The following CENPF variants were observed in gnomAD, a reference collection of about 807,000 sequenced individuals.
The protein encoded by CENPF is AH antigen.
A neutral mutation model predicts 307.3 loss-of-function variants in CENPF; 214 were observed. The observed-to-expected ratio is 0.70, with a 90% CI of 0.62 to 0.78. The LOEUF is 0.78. Ranked by LOEUF, CENPF falls within the 30% of genes least tolerant of loss-of-function variation. The pLI is 0.00. For missense variants in CENPF, 3,401 were observed against 3,483.9 expected, an observed-to-expected ratio of 0.98 and a Z score of 0.60; for synonymous variants, 1,259 against 1,270.6, an observed-to-expected ratio of 0.99 and a Z score of 0.19.
Position 214,644,423 on chromosome 1 carries a change from G to T in CENPF, c.4987-134G>T, listed in dbSNP as rs570870389. 1.6e-5 allele frequency: 13 copies of T among 794,722 alleles called. No homozygotes were observed. In the African/African-American group the frequency reaches 2.1e-4, roughly 13 times the overall value. The allele number at this position is 794,722 out of a possible 1,614,324, so 49.2% of individuals were successfully genotyped here. On this transcript the variant is annotated intron_variant, in intron 12 of 19. Transcript: ENST00000366955. ...TTGAATGAAGAGAGAAAGATGTAGT[G>T]GGAAATTCACCACTTTAAGAGATGT...
At position 214,657,381 on chromosome 1, in the gene CENPF, A is replaced by G. The variant is rs1178913991; in HGVS notation, c.8934A>G (p.Pro2978=). Residue 2978 remains proline, a synonymous_variant, in exon 18 of 20, where the codon CCA becomes CCG. Transcript: ENST00000366955. ...AEDTEGTEFE[P]EGLPEVVKKG... Reference sequence around the variant, plus strand: ...ACACGGAAGGTACTGAGTTTGAGCCAGAGGGACTTCCAGAAGTTGTAAAGA... The same window carrying G: ...ACACGGAAGGTACTGAGTTTGAGCCGGAGGGACTTCCAGAAGTTGTAAAGA... The G allele has an allele frequency of 6.2e-7, 1 of 1,609,500 alleles. No homozygotes were observed. The highest frequency in any genetic ancestry group is 8.5e-7 in the Non-Finnish European group (1 of 1,179,048).
intron 10 of CENPF, among the ~76,000 whole-genome samples, chr1:214,633,161 A>G (rs1657855035): frequency 6.6e-6 from 1 of 152,240 alleles, no homozygotes; most frequent in African/African-American, 2.4e-5. Flanking sequence ...AAAAGTGGAC[A>G]CTGACCTTAA....
chr1:214,630,594 G>C lies in CENPF; in HGVS notation c.1255G>C (p.Ala419Pro). The change falls in exon 9 of 20, where the codon GCC (alanine) becomes CCC (proline). Residue 419 changes from alanine to proline, a missense_variant. Physicochemically the swap from Ala to Pro is conservative, Grantham distance 27. Transcript: ENST00000366955. ...GGACCAGGAGTGCATCCAGATGAAG[G>C]CCAGACTCACCCAGGAGTTACAGCA... is the stretch of plus-strand genomic sequence containing the variant. ...TLDQECIQMK[A>P]RLTQELQQAK... 9 of 1,614,134 alleles carry C rather than the reference G, an allele frequency of 5.6e-6. No homozygotes were observed. The South Asian group carries it at 7.7e-5, about 14-fold the overall frequency.
intron 1 of CENPF, chr1:214,608,770 G>A: frequency 6.2e-7 from 1 of 1,600,774 alleles, no homozygotes; most frequent in Non-Finnish European, 8.5e-7. Flanking sequence ...GGCGAGCTTG[G>A]CAGCGATGCG....
chr1:214,655,174 AATT>A (rs1233035197), intron 16 of CENPF, 64 bp from the exon 17 acceptor site: 2 of 977,308 alleles, frequency 2.0e-6, no homozygotes, highest in East Asian at 2.8e-5. Flanking sequence ...TATATCTTAT[AATT>A]ATTTTTCCAT....
chr1:214,635,980 T>C (rs1375171433), intron 10 of CENPF, among the ~76,000 whole-genome samples: 3 of 152,192 alleles, frequency 2.0e-5, no homozygotes, highest in African/African-American at 7.2e-5. Flanking sequence ...TCATTTGATT[T>C]GATTAAAAAA....
At chr1:214,654,163 G>A (rs1658566518) in intron 16 of CENPF, 1 of 152,076 alleles carries the variant, frequency 6.6e-6, no homozygotes, top group African/African-American at 2.4e-5. Flanking sequence ...CTTTAATAAT[G>A]TAATGCATAT....
At chr1:214,636,427 T>A (rs1657969328) in intron 10 of CENPF, among the ~76,000 whole-genome samples, 1 of 152,140 alleles carries the variant, frequency 6.6e-6, no homozygotes, top group Non-Finnish European at 1.5e-5. Context: ...CTTAATTCGA[T>A]AGAGTGTCAG....
In CENPF at chr1:214,646,727, ATGT is replaced by A. The variant is rs1658315473; in HGVS notation, c.7162_7164del (p.Val2388del). On this transcript the variant is annotated inframe_deletion, in exon 13 of 20. Transcript: ENST00000366955. The stretch of plus-strand genomic sequence containing the variant: ...CAAAGTCTGAGAGGTCTGGAATTAG[ATGT>A]TGTTACTATAAGGTCAGAAAAAGAA... The A allele has an allele frequency of 6.2e-7, 1 of 1,614,110 alleles. No homozygotes were observed. Among genetic ancestry groups the A allele is most frequent in the East Asian group, 2.2e-5 (1 of 44,880 alleles).
intron 2 of CENPF, among the ~76,000 whole-genome samples, chr1:214,614,302 T>C (rs1460640588): frequency 6.6e-6 from 1 of 152,150 alleles, no homozygotes; most frequent in Non-Finnish European, 1.5e-5. Flanking sequence ...CTGGGGACAG[T>C]ATTAGAGCAT....
intron 14 of CENPF, among the ~76,000 whole-genome samples, chr1:214,651,209 A>T (rs1030968436): frequency 6.6e-6 from 1 of 152,118 alleles, no homozygotes; most frequent in African/African-American, 2.4e-5. Context: ...CCAGGGTTGG[A>T]GTTTGGCCAG....
At position 214,646,396 on chromosome 1, in the gene CENPF, T is replaced by G. The variant is rs141620633; in HGVS notation, c.6826T>G (p.Cys2276Gly). The G allele has an allele frequency of 1.4e-4, 230 of 1,613,990 alleles. No individual in the cohort carries two copies. Among genetic ancestry groups the G allele is most frequent in the Middle Eastern group, 3.3e-4 (2 of 6,084 alleles). ...GCTAAATGAGGCAGTAGCAGCCTTG[T>G]GTGGTGACCAAGAAATTATGAAGGC... ...KELNEAVAAL[C>G]GDQEIMKATE... The change falls in exon 13 of 20, where the codon TGT becomes GGT. Residue 2276 changes from cysteine to glycine, a missense_variant. Transcript: ENST00000366955.
In CENPF at chr1:214,641,921, G is replaced by T; in HGVS notation, c.3583G>T (p.Asp1195Tyr). Residue 1195 changes from aspartate (D) to tyrosine (Y), a missense_variant, in exon 12 of 20, where the codon GAT (aspartate) becomes TAT (tyrosine). Asp to Tyr is a radical substitution (Grantham distance 160, BLOSUM62 -3). Transcript: ENST00000366955. The stretch of plus-strand genomic sequence containing the variant: ...TCAATGTAATTTTAAACCTCAGATG[G>T]ATCTTGAAGTTAAAGAAATTTCTCT... Reference protein sequence around the residue: ...RNQCNFKPQMDLEVKEISLDS... With the variant: ...RNQCNFKPQMYLEVKEISLDS... 6.3e-7 allele frequency: 1 copy of T among 1,589,398 alleles called. No homozygotes were observed. The highest frequency in any genetic ancestry group is 8.5e-7 in the Non-Finnish European group (1 of 1,172,254).
In CENPF at chr1:214,624,879, G is replaced by T. The variant is rs150181354; in HGVS notation, c.1068+2598G>T. Among the ~76,000 whole-genome samples the T allele has an allele frequency of 1.4e-3, 210 of 152,262 alleles. 2 individuals carry two copies. The highest frequency in any genetic ancestry group is 4.9e-3 in the African/African-American group (203 of 41,560). ...GTTCAATTCATTGTTGAGAGAGAAT[G>T]TTGGAGTCCCCACCTATAACTGTGA... On this transcript the variant is annotated intron_variant, in intron 7 of 19. Transcript: ENST00000366955.
Position 214,648,781 on chromosome 1 carries a change from T to C in CENPF, c.7937T>C (p.Leu2646Pro), listed in dbSNP as rs367604303. The C allele has an allele frequency of 2.5e-6, 4 of 1,613,880 alleles. No homozygotes were observed. The African/African-American group carries it at 5.3e-5, about 22-fold the overall frequency. ...QEELSGEKNR[L>P]AGELQLLLEE... ...GAACTCAGTGGAGAGAAAAATAGGC[T>C]AGCTGGAGAGTTGCAGTTACTGTTG... Residue 2646 changes from leucine (L) to proline (P), a missense_variant, in exon 14 of 20, where the codon CTA becomes CCA. Leu to Pro is a moderately conservative substitution (Grantham distance 98). Coordinates refer to ENST00000366955, the MANE Select transcript of CENPF (RefSeq NM_016343.4).
chr1:214,657,009 C>T lies in CENPF; in HGVS notation c.8562C>T (p.Thr2854=). The T allele has an allele frequency of 6.2e-7, 1 of 1,613,596 alleles. No homozygotes were observed. Among genetic ancestry groups the T allele is most frequent in the African/African-American group, 1.3e-5 (1 of 74,948 alleles). The change falls in exon 18 of 20, where the codon ACC becomes ACT. Residue 2854 remains threonine, a synonymous_variant. Coordinates refer to ENST00000366955, the MANE Select transcript of CENPF (RefSeq NM_016343.4). ...KELKETLEEK[T]KEADEYLDKY... is the part of the protein sequence containing the mutation. ...TGAAAGAAACTCTTGAAGAAAAAAC[C>T]AAGGAGGCAGATGAATACTTGGATA...
In CENPF at chr1:214,646,977, G is replaced by A; in HGVS notation, c.7407G>A (p.Gln2469=). The A allele has an allele frequency of 6.2e-7, 1 of 1,614,076 alleles. No homozygotes were observed. The highest frequency in any genetic ancestry group is 8.5e-7 in the Non-Finnish European group (1 of 1,179,994). The part of the protein sequence containing the change: ...NDQEACKAKE[Q]NLSSQVECLE... ...AAGAAGCCTGTAAGGCCAAAGAGCAGAATCTTAGTAGTCAAGTAGAGTGTC... is the reference window on the plus strand; with the variant it reads ...AAGAAGCCTGTAAGGCCAAAGAGCAAAATCTTAGTAGTCAAGTAGAGTGTC... Residue 2469 remains glutamine, a synonymous_variant, in exon 13 of 20, where the codon CAG becomes CAA. Coordinates refer to ENST00000366955, the MANE Select transcript of CENPF (RefSeq NM_016343.4).
At position 214,645,976 on chromosome 1, in the gene CENPF, C is replaced by T. The variant is rs756604551; in HGVS notation, c.6406C>T (p.Leu2136=). ...VRIEADEKKQ[L]HIAEKLKERE... ...CATTGAGGCCGATGAAAAGAAGCAG[C>T]TGCACATCGCAGAGAAACTGAAAGA... Residue 2136 remains leucine, a synonymous_variant, in exon 13 of 20, where the codon CTG becomes TTG. Transcript: ENST00000366955. 5.6e-6 allele frequency: 9 copies of T among 1,614,020 alleles called. No homozygotes were observed. In the African/African-American group the frequency reaches 9.3e-5, roughly 17 times the overall value.
intron 1 of CENPF, chr1:214,608,721 C>T: frequency 6.3e-7 from 1 of 1,596,518 alleles, no homozygotes; most frequent in Non-Finnish European, 8.5e-7. Flanking sequence ...CCGGCTCGGG[C>T]TCAGTCACCA....
Sources: allele counts gnomAD v4.1 joint callset (sites outside exome capture counted in the v4.1 genomes callset), GRCh38; gene constraint gnomAD v4.1.1; transcripts MANE v1.5; gene names NCBI Gene and HGNC (gene_info 2026-07-23, HGNC 2026-07-21).